UNC13C: variants seen among roughly 807,000 people sequenced by gnomAD.
UNC13C encodes unc-13 homolog C.
A neutral mutation model predicts 245.4 loss-of-function variants in UNC13C; 174 were observed. That is an observed-to-expected ratio of 0.71 (90% CI 0.63 to 0.80). The LOEUF is 0.80. Among genes scored for constraint, UNC13C ranks in the 30% least tolerant of loss-of-function variants. The pLI is 0.00. For missense variants in UNC13C, 2,829 were observed against 2,602.9 expected (o/e 1.09, Z -1.89); for synonymous variants, 992 against 895.1 (o/e 1.11, Z -1.93).
chr15:53,986,679 A>G (rs1051291028), intron 1 of UNC13C, among the ~76,000 whole-genome samples: 1 of 152,050 alleles, frequency 6.6e-6, no homozygotes, highest in Non-Finnish European at 1.5e-5. Context: ...CTGTTTTTCA[A>G]TTGCTTCTCA....
rs57209912 is a variant in UNC13C, at chr15:54,086,737, C to CTTTT, written c.2984-56266_2984-56263dup. The stretch of plus-strand genomic sequence containing the variant: ...GTACTATGTGTTGCTTATTTTCTTT[C>CTTTT]TTTTTTTTTTTTTTTTTTGAGATGG... On this transcript the variant is annotated intron_variant, in intron 2 of 32. Transcript: ENST00000260323. 4.2e-4 allele frequency among the ~76,000 whole-genome samples: 39 copies of CTTTT among 92,012 alleles called. 2 individuals carry two copies. Among genetic ancestry groups the CTTTT allele is most frequent in the East Asian group, 3.5e-4 (1 of 2,854 alleles). 60.4% of individuals were successfully genotyped at this position (92,012 alleles called of 152,430 possible). A position where few individuals can be genotyped will look rare whatever the true frequency, so the allele number is the denominator to read the frequency against.
the UNC13C span, among the ~76,000 whole-genome samples, chr15:53,971,090 A>T: frequency 6.6e-6 from 1 of 152,126 alleles, no homozygotes; most frequent in East Asian, 1.9e-4. Flanking sequence ...TTTGATACGC[A>T]TTTCTCTAAT....
At chr15:54,308,214 T>A (rs2037776571) in intron 13 of UNC13C, among the ~76,000 whole-genome samples, 1 of 151,836 alleles carries the variant, frequency 6.6e-6, no homozygotes, top group African/African-American at 2.4e-5. Flanking sequence ...ATTGTTTTAT[T>A]TTTTTTGTTC....
intron 18 of UNC13C, 74 bp from the exon 19 acceptor site, chr15:54,414,908 A>G: frequency 2.2e-6 from 2 of 916,402 alleles, no homozygotes; most frequent in Admixed American, 2.1e-5. Flanking sequence ...TGTGGTATAT[A>G]TGTAAAATGC....
chr15:54,333,348 T>C (rs1596237542), intron 15 of UNC13C, among the ~76,000 whole-genome samples: 1 of 152,042 alleles, frequency 6.6e-6, no homozygotes, highest in African/African-American at 2.4e-5. Flanking sequence ...TTTTTGTGAC[T>C]AAAAGTAAAT....
intron 13 of UNC13C, among the ~76,000 whole-genome samples, chr15:54,302,403 C>T (rs1283585334): frequency 6.6e-6 from 1 of 152,110 alleles, no homozygotes; most frequent in African/African-American, 2.4e-5. Flanking sequence ...AGGTTTTCTT[C>T]TAGGGTTTTT....
At chr15:53,956,962 A>C in the UNC13C span, among the ~76,000 whole-genome samples, 1 of 151,758 alleles carries the variant, frequency 6.6e-6, no homozygotes, top group African/African-American at 2.4e-5. Context: ...AAGCTTATAA[A>C]ATAGGAGCTG....
the UNC13C span, among the ~76,000 whole-genome samples, chr15:53,930,569 C>T: frequency 6.6e-6 from 1 of 152,148 alleles, no homozygotes; most frequent in Non-Finnish European, 1.5e-5. Context: ...AATACACAAA[C>T]TAAATACACA....
rs201937862 is a variant in UNC13C at position 54,627,764 on chromosome 15, C to CTT, written c.*653_*654dup. On this transcript the variant is annotated 3_prime_UTR_variant, in exon 33 of 33. Coordinates refer to ENST00000260323, the MANE Select transcript of UNC13C (RefSeq NM_001080534.3). The stretch of plus-strand genomic sequence containing the variant: ...CAATGTTTGATATATATTGACAAAA[C>CTT]TTTGTTCTCTAAAACTGCCAAGATC... 420 of 152,646 alleles carry CTT rather than the reference C, an allele frequency of 2.8e-3. 5 individuals are homozygous for CTT. Among genetic ancestry groups the CTT allele is most frequent in the African/African-American group, 9.3e-3 (388 of 41,554 alleles). 9.5% of individuals were successfully genotyped at this position (152,646 alleles called of 1,614,324 possible).
At chr15:54,375,714 C>T (rs1466877233) in intron 17 of UNC13C, among the ~76,000 whole-genome samples, 2 of 152,110 alleles carry the variant, frequency 1.3e-5, no homozygotes, top group East Asian at 1.9e-4. Flanking sequence ...TCTAGAGATG[C>T]ATGGAAATTA....
At chr15:54,295,097 A>T (rs1185570102) in intron 11 of UNC13C, among the ~76,000 whole-genome samples, 2 of 152,156 alleles carry the variant, frequency 1.3e-5, no homozygotes, top group African/African-American at 4.8e-5. Context: ...ATTGGAGTAG[A>T]ATTTTTACCT....
chr15:54,004,736 G>C (rs78875382), intron 1 of UNC13C, among the ~76,000 whole-genome samples: 1 of 152,088 alleles, frequency 6.6e-6, no homozygotes, highest in East Asian at 1.9e-4. Context: ...GTAGTTTTGA[G>C]TTGCATCTCT....
intron 2 of UNC13C, among the ~76,000 whole-genome samples, chr15:54,127,581 A>G (rs185486864): frequency 1.3e-5 from 2 of 151,996 alleles, no homozygotes; most frequent in East Asian, 3.9e-4. Context: ...GGGAAGGGAT[A>G]GCATTAAGAG....
intron 17 of UNC13C, among the ~76,000 whole-genome samples, chr15:54,358,502 GTTATC>G (rs567382413): frequency 6.8e-4 from 103 of 152,060 alleles, no homozygotes; most frequent in African/African-American, 2.4e-3. Context: ...GATTTCATCA[GTTATC>G]TTATAGTTTT....
chr15:54,527,929 T>C (rs888249157), intron 25 of UNC13C, among the ~76,000 whole-genome samples: 1 of 152,186 alleles, frequency 6.6e-6, no homozygotes. Flanking sequence ...GGTAGAAAAG[T>C]CTACAGTAAT....
At position 54,013,684 on chromosome 15, in the gene UNC13C, T is replaced by C; in HGVS notation, c.781T>C (p.Ser261Pro). 1 of 1,613,730 alleles carries C rather than the reference T, an allele frequency of 6.2e-7. No individual in the cohort carries two copies. Among genetic ancestry groups the C allele is most frequent in the Non-Finnish European group, 8.5e-7 (1 of 1,179,820 alleles). The change falls in exon 2 of 33, where the codon TCT (serine) becomes CCT (proline). Residue 261 changes from serine (S) to proline (P), a missense_variant. By Grantham distance (74) the Ser-to-Pro change is moderately conservative. Transcript: ENST00000260323. ...AATAAGTCAGATTGAAACAGAACTT[T>C]CTGAACTACGAGGGCACGTCAATGC... ...QGISQIETEL[S>P]ELRGHVNALK...
At chr15:54,450,032 G>A (rs767176822) in intron 19 of UNC13C, among the ~76,000 whole-genome samples, 2 of 152,196 alleles carry the variant, frequency 1.3e-5, no homozygotes, top group Non-Finnish European at 2.9e-5. Context: ...GTTTGCTGGA[G>A]GTCCACTGCA....
chr15:54,624,138 T>C (rs979954340), intron 32 of UNC13C, among the ~76,000 whole-genome samples, 184 bp downstream of exon 32: 1 of 152,178 alleles, frequency 6.6e-6, no homozygotes, highest in African/African-American at 2.4e-5. Context: ...AGTCATTAGG[T>C]GTATATATCA....
chr15:54,361,237 A>G (rs1409259462), intron 17 of UNC13C, among the ~76,000 whole-genome samples: 3 of 151,876 alleles, frequency 2.0e-5, no homozygotes, highest in East Asian at 3.9e-4. Flanking sequence ...GATCAAGTCT[A>G]TTGTTGAGGC....
Sources: gnomAD v4.1 joint callset for allele counts (sites outside exome capture counted in the v4.1 genomes callset) on GRCh38, gnomAD v4.1.1 for gene constraint, MANE v1.5 for transcripts, NCBI Gene and HGNC (gene_info 2026-07-23, HGNC 2026-07-21) for gene names.